The following GULP1 variants were observed in gnomAD, a reference collection of about 807,000 sequenced individuals.
GULP1 encodes PTB domain-containing engulfment adapter protein 1.
GULP1 carries 19 observed loss-of-function variants against 40.9 expected under a neutral mutation model. That is an observed-to-expected ratio of 0.46 (90% CI 0.32 to 0.68). The LOEUF is 0.68. Among genes scored for constraint, GULP1 ranks in the 30% least tolerant of loss-of-function variants. The pLI, the probability that GULP1 is intolerant of heterozygous loss-of-function variation, is 0.03. For missense variants in GULP1, 312 were observed against 362.2 expected (o/e 0.86, Z 1.12); for synonymous variants, 119 against 117.6 (o/e 1.01, Z -0.08).
In GULP1 at chr2:188,477,712, G is replaced by A. The variant is rs2061125509; in HGVS notation, c.10G>A (p.Ala4Thr). MNR[A>T]FSRKKDKTWM... The stretch of plus-strand genomic sequence containing the variant: ...TTGGCTGATCCTCATCATGAACCGT[G>A]CTTTTAGCAGGAAGAAAGGTAAGTG... The change falls in exon 3 of 12, where the codon GCT becomes ACT. Residue 4 changes from alanine (A) to threonine (T), a missense_variant. Coordinates refer to ENST00000409830, the MANE Select transcript of GULP1 (RefSeq NM_016315.4). The A allele has an allele frequency of 6.2e-7, 1 of 1,601,216 alleles. No individual in the cohort carries two copies. Among genetic ancestry groups the A allele is most frequent in the Admixed American group, 1.7e-5 (1 of 57,404 alleles).
In GULP1 at chr2:188,538,981, A is replaced by C. The variant is rs554865707; in HGVS notation, c.262-2200A>C. Among the ~76,000 whole-genome samples, 391 of 152,232 alleles carry C rather than the reference A, an allele frequency of 2.6e-3. 5 individuals are homozygous for C. The highest frequency in any genetic ancestry group is 9.2e-3 in the African/African-American group (381 of 41,558). On this transcript the variant is annotated intron_variant, in intron 6 of 11. Coordinates refer to ENST00000409830, the MANE Select transcript of GULP1 (RefSeq NM_016315.4). ...AATCTAACATGGACTGTCTTTATACAGAATAGAATCTTTATTTTTTTTTCA... is the reference window on the plus strand; with the variant it reads ...AATCTAACATGGACTGTCTTTATACCGAATAGAATCTTTATTTTTTTTTCA...
chr2:188,578,665 G>A, intron 9 of GULP1, among the ~76,000 whole-genome samples: 1 of 151,886 alleles, frequency 6.6e-6, no homozygotes, highest in East Asian at 1.9e-4. Context: ...TTTGAGCACA[G>A]AATTCCCCTA....
At chr2:188,582,305 T>G (rs778957396) in intron 9 of GULP1, 30 of 466,620 alleles carry the variant, frequency 6.4e-5, no homozygotes, top group African/African-American at 5.8e-4. Context: ...ATGCCTGCCC[T>G]CTTAGGATAT....
At chr2:188,586,853 A>G (rs1176800384) in intron 10 of GULP1, among the ~76,000 whole-genome samples, 1 of 151,912 alleles carries the variant, frequency 6.6e-6, no homozygotes, top group African/African-American at 2.4e-5. Context: ...ATCAAGTAGC[A>G]TAAATATTAT....
chr2:188,566,543 A>G (rs1395485652), intron 7 of GULP1, among the ~76,000 whole-genome samples: 2 of 151,992 alleles, frequency 1.3e-5, no homozygotes, highest in African/African-American at 2.4e-5. Context: ...AAAAGGATAC[A>G]TCGACACTTT....
At chr2:188,578,713 C>T (rs777330229) in intron 9 of GULP1, among the ~76,000 whole-genome samples, 3 of 152,006 alleles carry the variant, frequency 2.0e-5, no homozygotes, top group Non-Finnish European at 2.9e-5. Context: ...TTCCTAAAGA[C>T]CAAAACACCT....
chr2:188,520,295 T>C (rs1360013774), intron 4 of GULP1, among the ~76,000 whole-genome samples: 1 of 151,926 alleles, frequency 6.6e-6, no homozygotes, highest in Non-Finnish European at 1.5e-5. Context: ...CCCAGCACTT[T>C]GCGGGGCTGA....
chr2:188,346,263 G>T (rs1263982738), intron 1 of GULP1, among the ~76,000 whole-genome samples: 1 of 152,100 alleles, frequency 6.6e-6, no homozygotes, highest in Non-Finnish European at 1.5e-5. Flanking sequence ...TAGGATGTTG[G>T]CTTGAGCCCA....
intron 7 of GULP1, among the ~76,000 whole-genome samples, chr2:188,548,243 T>C (rs1215348576): frequency 2.6e-5 from 4 of 152,058 alleles, no homozygotes; most frequent in Non-Finnish European, 4.4e-5. Flanking sequence ...TCTAAAACAA[T>C]TTCTGGATTT....
At chr2:188,591,825 G>A (rs1196443678) in intron 11 of GULP1, 3 of 151,620 alleles carry the variant, frequency 2.0e-5, no homozygotes, top group Non-Finnish European at 4.4e-5. Flanking sequence ...TTCAAAATAA[G>A]AAAATTCATC....
intron 2 of GULP1, among the ~76,000 whole-genome samples, chr2:188,448,109 G>A (rs547533284): frequency 2.6e-5 from 4 of 152,324 alleles, no homozygotes; most frequent in Admixed American, 2.0e-4. Context: ...TTCTGAAATA[G>A]TGGAATGTAT....
intron 1 of GULP1, among the ~76,000 whole-genome samples, chr2:188,311,798 G>A (rs10197499): frequency 0.6 from 88,361 of 147,016 alleles, 27,084 homozygotes; most frequent in East Asian, 0.9. Flanking sequence ...TTTAATATTT[G>A]TATGCATATA....
chr2:188,315,943 T>C (rs2039005935), intron 1 of GULP1, among the ~76,000 whole-genome samples: 1 of 151,988 alleles, frequency 6.6e-6, no homozygotes. Context: ...AGGGAGGCTA[T>C]TGTTAAGTGA....
chr2:188,300,087 T>C (rs1183703766), intron 1 of GULP1, among the ~76,000 whole-genome samples: 3 of 152,224 alleles, frequency 2.0e-5, no homozygotes, highest in African/African-American at 7.2e-5. Context: ...TGTTTTTCTT[T>C]CTTTTTTTCC....
rs148360745 is a variant in GULP1, at chr2:188,477,788, G to A, written c.28+58G>A. On this transcript the variant is annotated intron_variant, in intron 3 of 11. Coordinates refer to ENST00000409830, the MANE Select transcript of GULP1 (RefSeq NM_016315.4). ...CAAGCCAATGTTGCTATGAACATAAGCAGCGATGTTAAGAAATCAGTTTTT... is the reference window on the plus strand; with the variant it reads ...CAAGCCAATGTTGCTATGAACATAAACAGCGATGTTAAGAAATCAGTTTTT... 3.5e-4 allele frequency: 446 copies of A among 1,280,588 alleles called. 1 individual carries two copies. In the East Asian group the frequency reaches 0.01, roughly 29 times the overall value. The allele number at this position is 1,280,588 out of a possible 1,614,324, so 79.3% of individuals were successfully genotyped here.
intron 4 of GULP1, among the ~76,000 whole-genome samples, chr2:188,489,899 A>G (rs1362543885): frequency 6.6e-6 from 1 of 152,096 alleles, no homozygotes; most frequent in African/African-American, 2.4e-5. Flanking sequence ...AATGGAGAAA[A>G]GGAAATGGCA....
chr2:188,325,346 T>G (rs1033932699), intron 1 of GULP1, among the ~76,000 whole-genome samples: 2 of 151,948 alleles, frequency 1.3e-5, no homozygotes, highest in Non-Finnish European at 2.9e-5. Flanking sequence ...TATACCAGAG[T>G]TATTAAAAGG....
In GULP1 at chr2:188,380,541, C is replaced by T. The variant is rs187477290; in HGVS notation, c.-171-3222C>T. The stretch of plus-strand genomic sequence containing the variant: ...TTGAACGTTTACTTACTTAAAGTCA[C>T]AGGACAAACAAGAAAAAAATAGAAA... On this transcript the variant is annotated intron_variant, in intron 1 of 11. Transcript: ENST00000409830. Among the ~76,000 whole-genome samples the T allele has an allele frequency of 7.9e-5, 12 of 151,940 alleles. No homozygotes were observed. The South Asian group carries it at 2.1e-3, about 26-fold the overall frequency.
Position 188,433,813 on chromosome 2 carries a change from A to T in GULP1, c.-44-43846A>T, listed in dbSNP as rs548157064. ...CACAGCCTCAGGAAGTCCTGAGAAC[A>T]TGTTCTCCTTGATTTAATTTTGCTT... On this transcript the variant is annotated intron_variant, in intron 2 of 11. Transcript: ENST00000409830. 3.9e-5 allele frequency among the ~76,000 whole-genome samples: 6 copies of T among 152,206 alleles called. No individual in the cohort carries two copies. In the South Asian group the frequency reaches 1.2e-3, roughly 32 times the overall value.
Sources: gnomAD v4.1 joint callset for allele counts (sites outside exome capture counted in the v4.1 genomes callset) on GRCh38, gnomAD v4.1.1 for gene constraint, MANE v1.5 for transcripts, NCBI Gene and HGNC (gene_info 2026-07-23, HGNC 2026-07-21) for gene names.